The following EPHA5 variants were observed in gnomAD, a reference collection of about 807,000 sequenced individuals.
EPHA5 encodes the protein EPH receptor A5.
In EPHA5, 60 loss-of-function variants were observed where a neutral mutation model predicts 105.0. The ratio of observed to expected loss-of-function variants is 0.57; its 90% CI spans 0.46 to 0.71. EPHA5 has a LOEUF of 0.71. EPHA5 is among the 30% of genes least tolerant of loss of function. EPHA5 has a pLI of 0.00. For synonymous variants in EPHA5, 513 were observed against 449.1 expected, an observed-to-expected ratio of 1.14 and a Z score of -1.80; for missense variants, 1,218 against 1,274.7, an observed-to-expected ratio of 0.96 and a Z score of 0.68.
intron 5 of EPHA5, among the ~76,000 whole-genome samples, chr4:65,476,127 A>AGTGTGTGTGTGTGTGTGT (rs58933650): frequency 8.4e-6 from 1 of 119,106 alleles, no homozygotes; most frequent in South Asian, 3.1e-4. Flanking sequence ...AGAGAGAGAG[A>AGTGTGTGTGTGTGTGTGT]GTGTGTGTGT....
At chr4:65,586,096 C>G (rs4435792) in intron 3 of EPHA5, among the ~76,000 whole-genome samples, 73,544 of 151,132 alleles carry the variant, frequency 0.49, 19,655 homozygotes, top group Middle Eastern at 0.65. Flanking sequence ...TCAAATTTTC[C>G]TTAATTATTG....
Position 65,529,849 on chromosome 4 carries a change from T to C in EPHA5, c.911-34306A>G, listed in dbSNP as rs112109075. On this transcript the variant is annotated intron_variant, in intron 3 of 16. Coordinates refer to ENST00000613740, the MANE Select transcript of EPHA5 (RefSeq NM_001281766.3). ...TCAATGATCCATTCTTACAAAGTTC[T>C]GGTGGGTGTTGTTATTGGCCATTAG... 4.3e-3 allele frequency among the ~76,000 whole-genome samples: 648 copies of C among 152,254 alleles called. 1 individual carries two copies. The highest frequency in any genetic ancestry group is 8.0e-3 in the Admixed American group (123 of 15,298).
intron 8 of EPHA5, among the ~76,000 whole-genome samples, chr4:65,404,075 A>C (rs1722115277): frequency 2.0e-5 from 3 of 152,168 alleles, no homozygotes; most frequent in South Asian, 4.1e-4. Flanking sequence ...AGAGATAAAA[A>C]ATTTTCAGAT....
At chr4:65,370,357 C>G (rs898982325) in intron 8 of EPHA5, among the ~76,000 whole-genome samples, 1 of 151,982 alleles carries the variant, frequency 6.6e-6, no homozygotes, top group African/African-American at 2.4e-5. Flanking sequence ...CTAGAGAGAA[C>G]AGTTATTAAT....
At position 65,563,377 on chromosome 4, in the gene EPHA5, G is replaced by A. The variant is rs187968060; in HGVS notation, c.910+38264C>T. ...GAAGTAAAGCATTCGAAATTATTTA[G>A]AGAAGCAAAAATATTTCAGCATCCT... is the stretch of plus-strand genomic sequence containing the variant. On this transcript the variant is annotated intron_variant, in intron 3 of 16. Coordinates refer to ENST00000613740, the MANE Select transcript of EPHA5 (RefSeq NM_001281766.3). Among the ~76,000 whole-genome samples the A allele has an allele frequency of 1.0e-3, 153 of 152,124 alleles. 1 individual carries two copies. Among genetic ancestry groups the A allele is most frequent in the African/African-American group, 3.4e-3 (142 of 41,534 alleles).
chr4:65,528,889 T>C (rs1415473621), intron 3 of EPHA5, among the ~76,000 whole-genome samples: 1 of 152,138 alleles, frequency 6.6e-6, no homozygotes, highest in African/African-American at 2.4e-5. Flanking sequence ...GCAGAAGGAC[T>C]CTACTTCAAA....
intron 8 of EPHA5, among the ~76,000 whole-genome samples, chr4:65,402,499 A>G (rs1721942729): frequency 6.6e-6 from 1 of 152,182 alleles, no homozygotes; most frequent in African/African-American, 2.4e-5. Flanking sequence ...TGCTAAGTCT[A>G]CACCAACATA....
rs1721129504 is a variant in EPHA5 at position 65,335,937 on chromosome 4, G to A, written c.2784C>T (p.Ser928=). ...ACTCGGATCTGGCCTTGTACCTGCA[G>A]GATGCATTAACCAGCGTCTTCAGAC... is the stretch of plus-strand genomic sequence containing the variant. ...PSSLKTLVNA[S]CRVSNLLAEH... Residue 928 remains serine (S), a synonymous_variant, in exon 15 of 17, where the codon TCC becomes TCT. Coordinates refer to ENST00000613740, the MANE Select transcript of EPHA5 (RefSeq NM_001281766.3). The A allele has an allele frequency of 1.9e-6, 3 of 1,608,384 alleles. No individual in the cohort carries two copies. The highest frequency in any genetic ancestry group is 1.7e-5 in the Admixed American group (1 of 59,460).
intron 1 of EPHA5, among the ~76,000 whole-genome samples, chr4:65,654,334 C>T (rs1017454766): frequency 1.3e-5 from 2 of 151,480 alleles, no homozygotes; most frequent in South Asian, 2.1e-4. Context: ...ATATACACAA[C>T]GGACGAGAAA....
intron 2 of EPHA5, among the ~76,000 whole-genome samples, chr4:65,625,481 A>T (rs1746053279): frequency 1.3e-5 from 2 of 152,202 alleles, no homozygotes; most frequent in Admixed American, 6.5e-5. Flanking sequence ...TCATCAACTG[A>T]TGCCAGCTAT....
At chr4:65,489,880 T>C (rs1731237564) in intron 5 of EPHA5, among the ~76,000 whole-genome samples, 1 of 152,192 alleles carries the variant, frequency 6.6e-6, no homozygotes, top group African/African-American at 2.4e-5. Context: ...AAAGAAAATT[T>C]CATTGCATGC....
intron 3 of EPHA5, among the ~76,000 whole-genome samples, chr4:65,540,019 T>C (rs112850908): frequency 1.1e-4 from 16 of 151,642 alleles, no homozygotes; most frequent in African/African-American, 3.4e-4. Context: ...GGCAGTTATG[T>C]ACCATGATTC....
chr4:65,509,403 C>G (rs1392203899), intron 3 of EPHA5, among the ~76,000 whole-genome samples: 1 of 152,096 alleles, frequency 6.6e-6, no homozygotes, highest in Non-Finnish European at 1.5e-5. Flanking sequence ...TGTGTCCTAG[C>G]TATCTGGGGA....
At chr4:65,348,793 G>A (rs4033846) in intron 13 of EPHA5, among the ~76,000 whole-genome samples, 25,421 of 42,506 alleles carry the variant, frequency 0.6, 6,711 homozygotes, top group East Asian at 0.69. Context: ...GTGTGTGTGT[G>A]TATATATATA....
In EPHA5 at chr4:65,576,054, G is replaced by GA. The variant is rs1267879980; in HGVS notation, c.910+25586dup. Among the ~76,000 whole-genome samples, 264 of 81,266 alleles carry GA rather than the reference G, an allele frequency of 3.2e-3. 2 individuals are homozygous for GA. Among genetic ancestry groups the GA allele is most frequent in the Admixed American group, 5.1e-3 (29 of 5,680 alleles). 53.3% of individuals were successfully genotyped at this position (81,266 alleles called of 152,430 possible). On this transcript the variant is annotated intron_variant, in intron 3 of 16. Transcript: ENST00000613740. Reference sequence around the variant, plus strand: ...AGAAAGAAAGAAAGAAAGAAAGAAAGAAAGAAAAGAAAAGAAAAGAAAAGA... The same window carrying GA: ...AGAAAGAAAGAAAGAAAGAAAGAAAGAAAAGAAAAGAAAAGAAAAGAAAAGA...
rs538762829 is a variant in EPHA5, at chr4:65,669,738, C to A, written c.5G>T (p.Arg2Leu). Residue 2 changes from arginine (R) to leucine (L), a missense_variant, in exon 1 of 17, where the codon CGG becomes CTG. Coordinates refer to ENST00000613740, the MANE Select transcript of EPHA5 (RefSeq NM_001281766.3). ...TCCCGCACCCCGGGGCCCCGAGCCC[C>A]GCATCTTCTCCGAGCCTCCTCCGGT... MRGSGPRGAGRR... is the reference protein window; with the variant it reads MLGSGPRGAGRR... 21 of 1,258,392 alleles carry A rather than the reference C, an allele frequency of 1.7e-5. No individual in the cohort carries two copies. The highest frequency in any genetic ancestry group is 8.3e-5 in the Admixed American group (2 of 24,070). 78.0% of individuals were successfully genotyped at this position (1,258,392 alleles called of 1,614,324 possible). A position where few individuals can be genotyped will look rare whatever the true frequency, so the allele number is the denominator to read the frequency against.
At chr4:65,603,553 G>A (rs1021259314) in intron 2 of EPHA5, among the ~76,000 whole-genome samples, 1 of 152,082 alleles carries the variant, frequency 6.6e-6, no homozygotes, top group Non-Finnish European at 1.5e-5. Context: ...TGTTCTAAAA[G>A]CAAAGATGTG....
chr4:65,378,235 C>T (rs555344715), intron 8 of EPHA5, among the ~76,000 whole-genome samples: 1 of 143,624 alleles, frequency 7.0e-6, no homozygotes, highest in East Asian at 2.0e-4. Flanking sequence ...AAATGAAATT[C>T]TAATAAAAAT....
chr4:65,603,277 T>C (rs1168672058), intron 2 of EPHA5, among the ~76,000 whole-genome samples: 1 of 152,060 alleles, frequency 6.6e-6, no homozygotes, highest in African/African-American at 2.4e-5. Flanking sequence ...TCCTGAACGG[T>C]ACAGAGCCAA....
Sources: allele counts gnomAD v4.1 joint callset (sites outside exome capture counted in the v4.1 genomes callset), GRCh38; gene constraint gnomAD v4.1.1; transcripts MANE v1.5; gene names NCBI Gene and HGNC (gene_info 2026-07-23, HGNC 2026-07-21).